The following IL1RAP variants were observed in gnomAD, a reference collection of about 807,000 sequenced individuals.
The protein encoded by IL1RAP is interleukin 1 receptor accessory protein.
IL1RAP carries 35 observed loss-of-function variants against 60.7 expected under a neutral mutation model. That is an observed-to-expected ratio of 0.58 (90% CI 0.44 to 0.76). The LOEUF (loss-of-function observed/expected upper bound fraction) is 0.76. IL1RAP is among the 30% of genes least tolerant of loss of function. The pLI is 0.00. For synonymous variants in IL1RAP, 268 were observed against 250.9 expected (o/e 1.07, Z -0.64); for missense variants, 572 against 693.9 (o/e 0.82, Z 1.97).
chr3:190,569,449 G>GT (rs1415943259), intron 3 of IL1RAP, among the ~76,000 whole-genome samples: 2 of 152,098 alleles, frequency 1.3e-5, no homozygotes, highest in African/African-American at 4.8e-5. Flanking sequence ...TCATTTCTAT[G>GT]TAATTTAGTC....
chr3:190,644,460 A>T, intron 10 of IL1RAP, 63 bp downstream of exon 10: 1 of 1,218,226 alleles, frequency 8.2e-7, no homozygotes, highest in East Asian at 2.4e-5. Context: ...ATGTTGTAAA[A>T]AAAAGAAAAA....
At chr3:190,619,649 C>A (rs1330275532) in intron 5 of IL1RAP, among the ~76,000 whole-genome samples, 4 of 151,424 alleles carry the variant, frequency 2.6e-5, no homozygotes, top group Non-Finnish European at 5.9e-5. Flanking sequence ...TGCTTGAACC[C>A]AGAAGACTGA....
intron 4 of IL1RAP, among the ~76,000 whole-genome samples, chr3:190,604,753 G>A (rs1009685422): frequency 1.3e-5 from 2 of 152,076 alleles, no homozygotes; most frequent in African/African-American, 4.8e-5. Flanking sequence ...ACATTGAACA[G>A]GGCAGAGAAT....
chr3:190,568,149 T>A (rs1191208708), intron 3 of IL1RAP, among the ~76,000 whole-genome samples: 1 of 152,166 alleles, frequency 6.6e-6, no homozygotes, highest in Non-Finnish European at 1.5e-5. Flanking sequence ...CACACACGGA[T>A]CTTTGAGAAA....
At chr3:190,632,110 T>A (rs1326583483) in intron 9 of IL1RAP, among the ~76,000 whole-genome samples, 1 of 152,200 alleles carries the variant, frequency 6.6e-6, no homozygotes, top group African/African-American at 2.4e-5. Context: ...GCTCATTGTT[T>A]TATAATAACA....
At position 190,650,344 on chromosome 3, in the gene IL1RAP, A is replaced by G. The variant is rs1441707234; in HGVS notation, c.*1639A>G. 7 of 985,324 alleles carry G rather than the reference A, an allele frequency of 7.1e-6. No individual in the cohort carries two copies. The highest frequency in any genetic ancestry group is 2.3e-4 in the East Asian group (2 of 8,810). 61.0% of individuals were successfully genotyped at this position (985,324 alleles called of 1,614,324 possible). On this transcript the variant is annotated 3_prime_UTR_variant, in exon 12 of 12. Transcript: ENST00000447382. ...GGCATCTGCTGTGCACAGAGCTTCC[A>G]TGGTCACTGCTAAGCAGTAGCCAGC...
chr3:190,612,994 C>T (rs1730953735), intron 5 of IL1RAP, among the ~76,000 whole-genome samples: 1 of 151,592 alleles, frequency 6.6e-6, no homozygotes, highest in Non-Finnish European at 1.5e-5. Flanking sequence ...AATATATGCC[C>T]AGAGCTGTGT....
chr3:190,560,824 G>C (rs892243107), intron 2 of IL1RAP, among the ~76,000 whole-genome samples: 1 of 152,198 alleles, frequency 6.6e-6, no homozygotes, highest in Admixed American at 6.5e-5. Context: ...TGCTGAGCAC[G>C]TGAAGACCCA....
intron 1 of IL1RAP, among the ~76,000 whole-genome samples, chr3:190,531,860 C>A (rs944938659): frequency 2.6e-5 from 4 of 152,110 alleles, no homozygotes; most frequent in Admixed American, 2.6e-4. Flanking sequence ...GATATTGAGA[C>A]ATGGACTTAG....
At chr3:190,587,689 GT>G (rs1261882244) in intron 3 of IL1RAP, among the ~76,000 whole-genome samples, 1 of 152,246 alleles carries the variant, frequency 6.6e-6, no homozygotes, top group African/African-American at 2.4e-5. Context: ...GGTTTGAGAT[GT>G]TTGTCAACAT....
At chr3:190,603,223 G>C (rs576810963) in intron 3 of IL1RAP, among the ~76,000 whole-genome samples, 1 of 152,276 alleles carries the variant, frequency 6.6e-6, no homozygotes, top group Non-Finnish European at 1.5e-5. Context: ...TTTGCAGACT[G>C]TATTCCAGAC....
intron 3 of IL1RAP, among the ~76,000 whole-genome samples, chr3:190,595,544 GA>G (rs1184492252): frequency 2.0e-5 from 3 of 152,184 alleles, no homozygotes; most frequent in African/African-American, 7.2e-5. Context: ...CATACCACTA[GA>G]AAAACAAACT....
intron 1 of IL1RAP, among the ~76,000 whole-genome samples, chr3:190,543,205 A>G (rs766236546): frequency 2.0e-5 from 3 of 152,104 alleles, no homozygotes; most frequent in Non-Finnish European, 4.4e-5. Flanking sequence ...TTAGTGGAAA[A>G]ATCACCCCCA....
chr3:190,607,913 C>T (rs1439259507), intron 4 of IL1RAP, among the ~76,000 whole-genome samples: 1 of 152,142 alleles, frequency 6.6e-6, no homozygotes, highest in Non-Finnish European at 1.5e-5. Flanking sequence ...TCCTCCTTTT[C>T]TATCGTTCTA....
chr3:190,544,292 T>C (rs1724190768), intron 1 of IL1RAP, among the ~76,000 whole-genome samples: 1 of 152,206 alleles, frequency 6.6e-6, no homozygotes, highest in Non-Finnish European at 1.5e-5. Flanking sequence ...CAACAGTCTT[T>C]AAGAATCCAG....
At position 190,644,273 on chromosome 3, in the gene IL1RAP, A is replaced by T. The variant is rs761981173; in HGVS notation, c.1077A>T (p.Glu359Asp). 1 of 1,613,412 alleles carries T rather than the reference A, an allele frequency of 6.2e-7. No homozygotes were observed. Among genetic ancestry groups the T allele is most frequent in the Non-Finnish European group, 8.5e-7 (1 of 1,179,724 alleles). Residue 359 changes from glutamate to aspartate, a missense_variant, in exon 10 of 12, where the codon GAA (glutamate) becomes GAT (aspartate). By Grantham distance (45) the Glu-to-Asp change is conservative. Coordinates refer to ENST00000447382, the MANE Select transcript of IL1RAP (RefSeq NM_002182.4). ...TGCCAGCTCCAAGATACACAGTGGA[A>T]CTGGCTTGTGGTTTTGGAGCCACAG... ...QKVPAPRYTV[E>D]LACGFGATVL...
intron 3 of IL1RAP, among the ~76,000 whole-genome samples, chr3:190,585,680 T>G (rs1728391260): frequency 6.6e-6 from 1 of 151,866 alleles, no homozygotes; most frequent in African/African-American, 2.4e-5. Context: ...GGCATGGTGG[T>G]GTGTGCCTGC....
Position 190,648,517 on chromosome 3 carries a change from A to G in IL1RAP, c.1525A>G (p.Thr509Ala). 6.2e-7 allele frequency: 1 copy of G among 1,614,080 alleles called. No individual in the cohort carries two copies. Among genetic ancestry groups the G allele is most frequent in the Non-Finnish European group, 8.5e-7 (1 of 1,180,016 alleles). The change falls in exon 12 of 12, where the codon ACG (threonine) becomes GCG (alanine). Residue 509 changes from threonine (T) to alanine (A), a missense_variant. Transcript: ENST00000447382. ...AGTACAGTACAAAGCTGTGAAGGAA[A>G]CGAAGGTGAAAGAGCTGAAGAGGGC... is the stretch of plus-strand genomic sequence containing the variant. ...ILVQYKAVKETKVKELKRAKT... is the reference protein window; with the variant it reads ...ILVQYKAVKEAKVKELKRAKT...
chr3:190,600,196 A>G (rs562636390), intron 3 of IL1RAP, among the ~76,000 whole-genome samples: 1 of 152,190 alleles, frequency 6.6e-6, no homozygotes, highest in African/African-American at 2.4e-5. Flanking sequence ...TGGCTGCACA[A>G]TTTTCTAAAG....
Sources: gnomAD v4.1 joint callset for allele counts (sites outside exome capture counted in the v4.1 genomes callset) on GRCh38, gnomAD v4.1.1 for gene constraint, MANE v1.5 for transcripts, NCBI Gene and HGNC (gene_info 2026-07-23, HGNC 2026-07-21) for gene names.